The following ELAPOR2 variants were observed in gnomAD, a reference collection of about 807,000 sequenced individuals.
The protein encoded by ELAPOR2 is endosome-lysosome associated apoptosis and autophagy regulator family member 2.
In ELAPOR2, 89 loss-of-function variants were observed where a neutral mutation model predicts 120.7. The ratio of observed to expected loss-of-function variants is 0.74; its 90% CI spans 0.62 to 0.88. ELAPOR2 has a LOEUF of 0.88. ELAPOR2 is among the 40% of genes least tolerant of loss of function. ELAPOR2 has a pLI of 0.00. For missense variants in ELAPOR2, 1,134 were observed against 1,251.6 expected (o/e 0.91, Z 1.42); for synonymous variants, 444 against 444.9 (o/e 1.00, Z 0.03).
chr7:86,991,969 C>G (rs1170432483), intron 1 of ELAPOR2, among the ~76,000 whole-genome samples: 1 of 152,162 alleles, frequency 6.6e-6, no homozygotes, highest in Non-Finnish European at 1.5e-5. Context: ...GGAAAGGGTG[C>G]TTTAACTAGG....
At chr7:86,947,670 C>G (rs773666358) in intron 3 of ELAPOR2, 57 bp downstream of exon 3, 16 of 1,389,536 alleles carry the variant, frequency 1.2e-5, no homozygotes, top group Non-Finnish European at 1.5e-5. Context: ...TGGAAAAGAG[C>G]AACTACTTTC....
chr7:87,029,901 C>A (rs1418417679), intron 1 of ELAPOR2, among the ~76,000 whole-genome samples: 1 of 151,942 alleles, frequency 6.6e-6, no homozygotes, highest in Non-Finnish European at 1.5e-5. Flanking sequence ...TATAAGAAAG[C>A]AGAAGCCTGG....
Position 87,049,290 on chromosome 7 carries a change from A to ATT in ELAPOR2, c.189+10033_189+10034dup, listed in dbSNP as rs11377788. 8.5e-3 allele frequency among the ~76,000 whole-genome samples: 1,277 copies of ATT among 150,298 alleles called. 17 individuals carry two copies. Among genetic ancestry groups the ATT allele is most frequent in the African/African-American group, 0.027 (1,093 of 40,984 alleles). The stretch of plus-strand genomic sequence containing the variant: ...GATTGAAATTTTATTTTATTTATTT[A>ATT]TTTTTTTTTGAGACCGAGCCTCGCT... On this transcript the variant is annotated intron_variant, in intron 1 of 21. Coordinates refer to ENST00000450689, the MANE Select transcript of ELAPOR2 (RefSeq NM_001142749.3).
chr7:86,992,653 G>T (rs984708814), intron 1 of ELAPOR2, among the ~76,000 whole-genome samples: 3 of 152,042 alleles, frequency 2.0e-5, no homozygotes, highest in African/African-American at 7.2e-5. Flanking sequence ...AAAAAAATAG[G>T]AAAAAGCAAC....
intron 21 of ELAPOR2, among the ~76,000 whole-genome samples, chr7:86,881,524 T>C (rs1034321807): frequency 1.3e-5 from 2 of 151,868 alleles, no homozygotes; most frequent in Non-Finnish European, 2.9e-5. Context: ...GCCCAGATAA[T>C]TTTTTGTATT....
chr7:87,059,446 C>T lies in ELAPOR2; in HGVS notation c.68G>A (p.Arg23His). 1 of 1,228,230 alleles carries T rather than the reference C, an allele frequency of 8.1e-7. No individual in the cohort carries two copies. Among genetic ancestry groups the T allele is most frequent in the Non-Finnish European group, 1.0e-6 (1 of 982,734 alleles). The allele number at this position is 1,228,230 out of a possible 1,614,324, so 76.1% of individuals were successfully genotyped here. A position where few individuals can be genotyped will look rare whatever the true frequency, so the allele number is the denominator to read the frequency against. The change falls in exon 1 of 22, where the codon CGC becomes CAC. Residue 23 changes from arginine to histidine, a missense_variant. Arg to His is a conservative substitution (Grantham distance 29). Around this residue, in one of 3 missense-constraint regions of ELAPOR2, gnomAD observed 280 missense variants for 331.5 expected, o/e 0.84. Coordinates refer to ENST00000450689, the MANE Select transcript of ELAPOR2 (RefSeq NM_001142749.3). ...GWGRPAEAPRRGRSPPWSPAW... is the reference protein window; with the variant it reads ...GWGRPAEAPRHGRSPPWSPAW... The stretch of plus-strand genomic sequence containing the variant: ...GGGGCTCCAGGGCGGCGAGCGCCCG[C>T]GGCGGGGAGCCTCCGCCGGCCGCCC...
At chr7:87,012,648 G>A (rs944277689) in intron 1 of ELAPOR2, among the ~76,000 whole-genome samples, 22 of 151,986 alleles carry the variant, frequency 1.4e-4, no homozygotes, top group African/African-American at 3.4e-4. Context: ...TACTCTGTTC[G>A]GTACTTTTCA....
chr7:86,883,023 GGTGTGTGTGTGTGTGT>G (rs55859925), intron 21 of ELAPOR2, among the ~76,000 whole-genome samples: 2 of 141,552 alleles, frequency 1.4e-5, no homozygotes, highest in East Asian at 2.1e-4. Context: ...GTTTGAAAGG[GGTGTGTGTGTGTGTGT>G]GTGTGTGTGT....
At chr7:86,901,148 G>A (rs1346273175) in intron 18 of ELAPOR2, among the ~76,000 whole-genome samples, 2 of 152,202 alleles carry the variant, frequency 1.3e-5, no homozygotes, top group Non-Finnish European at 2.9e-5. Flanking sequence ...AGGATTACTG[G>A]ATGTGCTGTG....
intron 21 of ELAPOR2, among the ~76,000 whole-genome samples, chr7:86,882,061 C>T (rs981892243): frequency 6.6e-6 from 1 of 152,198 alleles, no homozygotes; most frequent in East Asian, 1.9e-4. Flanking sequence ...CCTGCCTCTG[C>T]TGAGCTGACA....
chr7:86,965,178 CA>C (rs1160360220), intron 1 of ELAPOR2, among the ~76,000 whole-genome samples, 154 bp from the exon 2 acceptor site: 3 of 151,878 alleles, frequency 2.0e-5, no homozygotes, highest in Admixed American at 6.6e-5. Context: ...GCTTATTGAT[CA>C]AAGAGGTATG....
chr7:86,983,443 C>T (rs1008896329), intron 1 of ELAPOR2, among the ~76,000 whole-genome samples: 1 of 150,754 alleles, frequency 6.6e-6, no homozygotes, highest in Admixed American at 6.6e-5. Flanking sequence ...GAGAGAAGGT[C>T]GGGTTACCCA....
At chr7:87,012,042 T>C (rs1205561089) in intron 1 of ELAPOR2, among the ~76,000 whole-genome samples, 2 of 152,228 alleles carry the variant, frequency 1.3e-5, no homozygotes, top group Non-Finnish European at 2.9e-5. Flanking sequence ...CATTCTTTTA[T>C]TGTACTAAAT....
chr7:86,996,217 G>A (rs560283136), intron 1 of ELAPOR2, among the ~76,000 whole-genome samples: 11 of 152,286 alleles, frequency 7.2e-5, no homozygotes, highest in Admixed American at 3.9e-4. Context: ...GAGAAAAGAA[G>A]GAGAGCTCTA....
intron 8 of ELAPOR2, among the ~76,000 whole-genome samples, chr7:86,937,607 C>T (rs1790620340): frequency 6.6e-6 from 1 of 152,038 alleles, no homozygotes; most frequent in Admixed American, 6.6e-5. Flanking sequence ...CAGTAATCTG[C>T]CATAACCGAA....
intron 1 of ELAPOR2, among the ~76,000 whole-genome samples, chr7:87,035,087 CA>C (rs1167618353): frequency 0.021 from 1,710 of 83,236 alleles, 6 homozygotes; most frequent in Middle Eastern, 0.077. Flanking sequence ...AACTCCGTCT[CA>C]AAAAAAAAAA....
chr7:86,892,166 G>C (rs762871095), intron 20 of ELAPOR2, among the ~76,000 whole-genome samples: 1 of 152,138 alleles, frequency 6.6e-6, no homozygotes, highest in South Asian at 2.1e-4. Flanking sequence ...TTGGGGGGCA[G>C]GGACTTTTAG....
chr7:86,919,428 GCT>G, intron 10 of ELAPOR2, 118 bp from the exon 11 acceptor site: 2 of 563,982 alleles, frequency 3.5e-6, no homozygotes, highest in Non-Finnish European at 3.0e-6. Flanking sequence ...AGTTAGAAAT[GCT>G]ACAAATGAAT....
intron 18 of ELAPOR2, among the ~76,000 whole-genome samples, chr7:86,900,871 C>T (rs1284939399): frequency 6.6e-6 from 1 of 152,140 alleles, no homozygotes. Context: ...AATACTTTCT[C>T]CTACCAAGAA....
Sources: gnomAD v4.1 joint callset for allele counts (sites outside exome capture counted in the v4.1 genomes callset) on GRCh38, gnomAD v4.1.1 for gene constraint, gnomAD v4.1.1 regional missense constraint, MANE v1.5 for transcripts, NCBI Gene and HGNC (gene_info 2026-07-23, HGNC 2026-07-21) for gene names.